CELF2: variants seen among roughly 807,000 people sequenced by gnomAD.
CELF2 encodes the protein CUGBP Elav-like family member 2.
A neutral mutation model predicts 62.6 loss-of-function variants in CELF2; 8 were observed. The observed-to-expected ratio is 0.13, with a 90% confidence interval of 0.07 to 0.23. CELF2 has a LOEUF of 0.23. Among genes scored for constraint, CELF2 ranks in the 10% least tolerant of loss-of-function variants. CELF2 has a pLI of 1.00. For missense variants in CELF2, 333 were observed against 671.0 expected, an observed-to-expected ratio of 0.50 and a Z score of 5.56; for synonymous variants, 258 against 250.0, an observed-to-expected ratio of 1.03 and a Z score of -0.30.
chr10:11,156,239 G>C lies in CELF2; in HGVS notation c.75-9247G>C, dbSNP rs1002247600. ...ACTAGTAATAGGTGTGTTGACTCTC[G>C]GATTTAATAGGACGGCACTGGACGG... On this transcript the variant is annotated intron_variant, in intron 1 of 12. Transcript: ENST00000633077. The surrounding 1 kb of genome is among the most constrained non-coding windows in gnomAD (Gnocchi z 4.3). 6.6e-6 allele frequency among the ~76,000 whole-genome samples: 1 copy of C among 152,128 alleles called. No individual in the cohort carries two copies. Among genetic ancestry groups the C allele is most frequent in the Non-Finnish European group, 1.5e-5 (1 of 68,016 alleles).
chr10:11,288,178 G>C (rs375219102), intron 8 of CELF2, among the ~76,000 whole-genome samples: 1 of 152,242 alleles, frequency 6.6e-6, no homozygotes, highest in Non-Finnish European at 1.5e-5. Flanking sequence ...TACGGGGTGG[G>C]ATTCAGGCTC....
intron 2 of CELF2, among the ~76,000 whole-genome samples, chr10:11,203,314 A>G (rs2059703424): frequency 6.6e-6 from 1 of 152,182 alleles, no homozygotes; most frequent in South Asian, 2.1e-4. Flanking sequence ...TTCCAGAGAA[A>G]GATTCTTGAT....
At chr10:10,581,596 A>G in the CELF2 span, among the ~76,000 whole-genome samples, 1 of 152,214 alleles carries the variant, frequency 6.6e-6, no homozygotes, top group Non-Finnish European at 1.5e-5. Flanking sequence ...GGCTCCAACA[A>G]GAAGGAGGAT....
At chr10:11,221,311 A>T (rs2064806774) in intron 3 of CELF2, among the ~76,000 whole-genome samples, 1 of 152,204 alleles carries the variant, frequency 6.6e-6, no homozygotes, top group Admixed American at 6.5e-5. Context: ...TAGAAATGTC[A>T]TTATCTACCA....
chr10:10,808,653 CA>C (rs2055502110), intron 1 of CELF2, among the ~76,000 whole-genome samples: 1 of 152,146 alleles, frequency 6.6e-6, no homozygotes. Context: ...GAGGTAAGAT[CA>C]TTGTTTTAAA....
At chr10:10,905,950 A>T (rs1390954648) in intron 1 of CELF2, among the ~76,000 whole-genome samples, 1 of 152,104 alleles carries the variant, frequency 6.6e-6, no homozygotes, top group East Asian at 1.9e-4. Context: ...ATGCACCTGT[A>T]GTCCCAGCTA....
At position 11,050,482 on chromosome 10, in the gene CELF2, T is replaced by C. The variant is rs541789780; in HGVS notation, c.74+32319T>C. Among the ~76,000 whole-genome samples the C allele has an allele frequency of 3.3e-5, 5 of 152,064 alleles. No individual in the cohort carries two copies. In the South Asian group the frequency reaches 1.0e-3, roughly 32 times the overall value. On this transcript the variant is annotated intron_variant, in intron 1 of 12. Coordinates refer to ENST00000633077, the MANE Select transcript of CELF2 (RefSeq NM_001326342.2). ...AACCTGGCCTGGCTTGAACATGGAG[T>C]GTCGGTTCTAATTTGGTTCTGCTGG... is the stretch of plus-strand genomic sequence containing the variant.
At position 10,919,341 on chromosome 10, in the gene CELF2, TC is replaced by T. The variant is rs377269283; in HGVS notation, c.54-622del. On this transcript the variant is annotated intron_variant, in intron 1 of 13. Coordinates refer to the CELF2 transcript ENST00000636488. ...GGGACAAAGTTAGTTTTGAAATTTG[TC>T]TCTGGTCATTTTTATTAATATGCAA... is the stretch of plus-strand genomic sequence containing the variant. Among the ~76,000 whole-genome samples the T allele has an allele frequency of 2.8e-3, 429 of 152,280 alleles. 1 individual carries two copies. The highest frequency in any genetic ancestry group is 9.9e-3 in the African/African-American group (410 of 41,570).
At chr10:10,688,037 A>C in the CELF2 span, among the ~76,000 whole-genome samples, 1 of 152,252 alleles carries the variant, frequency 6.6e-6, no homozygotes, top group Non-Finnish European at 1.5e-5. Flanking sequence ...TGCTACATTT[A>C]TGATATTCGC....
At chr10:10,737,919 G>A in the CELF2 span, among the ~76,000 whole-genome samples, 1 of 152,232 alleles carries the variant, frequency 6.6e-6, no homozygotes, top group South Asian at 2.1e-4. Context: ...GCAATACTGA[G>A]AAGAAAAGGC....
rs934040878 is a variant in CELF2 at position 10,962,115 on chromosome 10, GAGAGA to G, written c.89+42126_89+42130del. ...GGAGGGAGGAGGGAGAGAAAGAAGA[GAGAGA>G]AGAGAAGAGGGAGAGGGAGAGGGTG... is the stretch of plus-strand genomic sequence containing the variant. On this transcript the variant is annotated intron_variant, in intron 2 of 13. Transcript: ENST00000636488. Among the ~76,000 whole-genome samples, 6 of 152,014 alleles carry G rather than the reference GAGAGA, an allele frequency of 3.9e-5. No individual in the cohort carries two copies. In the East Asian group the frequency reaches 7.8e-4, roughly 20 times the overall value.
At chr10:11,111,149 GC>G (rs1446207173) in intron 1 of CELF2, among the ~76,000 whole-genome samples, 1 of 152,182 alleles carries the variant, frequency 6.6e-6, no homozygotes, top group Non-Finnish European at 1.5e-5. Flanking sequence ...TTAATGGAGT[GC>G]TTTTTTACTC....
In CELF2 at chr10:11,211,805, AGAGAGAGAGTGTGTGTGTGTGTGTGTGT is replaced by A. The variant is rs1228397613; in HGVS notation, c.272-5618_272-5591del. ...GTGTATGTGTGTGAGAGAGAGAGAG[AGAGAGAGAGTGTGTGTGTGTGTGTGTGT>A]GTGTGTGTGTGTGTGTGTGTGTAAC... is the stretch of plus-strand genomic sequence containing the variant. On this transcript the variant is annotated intron_variant, in intron 2 of 12. Transcript: ENST00000633077. The surrounding 1 kb of genome is among the most constrained non-coding windows in gnomAD (Gnocchi z 4.8). Among the ~76,000 whole-genome samples the A allele has an allele frequency of 4.2e-5, 5 of 119,856 alleles. No homozygotes were observed. The highest frequency in any genetic ancestry group is 3.3e-4 in the Admixed American group (4 of 11,972). The allele number at this position is 119,856 out of a possible 152,430, so 78.6% of individuals were successfully genotyped here.
intron 1 of CELF2, among the ~76,000 whole-genome samples, chr10:11,146,657 T>C (rs2132480398): frequency 6.6e-6 from 1 of 152,334 alleles, no homozygotes; most frequent in South Asian, 2.1e-4. Context: ...CTGTCGGTGA[T>C]TTGTTACTAT....
chr10:10,466,642 G>C, the CELF2 span, among the ~76,000 whole-genome samples: 2 of 152,102 alleles, frequency 1.3e-5, no homozygotes, highest in African/African-American at 2.4e-5. Flanking sequence ...TTCCAAAGTG[G>C]CTGTAACATT....
At chr10:10,884,681 A>C (rs2061644000) in intron 1 of CELF2, among the ~76,000 whole-genome samples, 1 of 152,212 alleles carries the variant, frequency 6.6e-6, no homozygotes, top group South Asian at 2.1e-4. Context: ...CATTTCTAGA[A>C]TATGTCTTAT....
chr10:11,111,898 T>C (rs1595507022), intron 1 of CELF2, among the ~76,000 whole-genome samples: 1 of 152,230 alleles, frequency 6.6e-6, no homozygotes, highest in East Asian at 1.9e-4. Context: ...CTTATAATAA[T>C]CAAATGTTTG....
At position 10,947,283 on chromosome 10, in the gene CELF2, G is replaced by T. The variant is rs2047801285; in HGVS notation, c.89+27284G>T. The T allele has an allele frequency of 6.6e-6, 1 of 152,536 alleles. No homozygotes were observed. Among genetic ancestry groups the T allele is most frequent in the Non-Finnish European group, 1.5e-5 (1 of 68,052 alleles). The allele number at this position is 152,536 out of a possible 1,614,324, so 9.4% of individuals were successfully genotyped here. On this transcript the variant is annotated intron_variant, in intron 2 of 13. Transcript: ENST00000636488. The surrounding 1 kb of genome is among the most constrained non-coding windows in gnomAD (Gnocchi z 4.1). Reference sequence around the variant, plus strand: ...TGCACAGTTGGAAGGACATTTCTCTGGCCATCCTGAGCACATTTTTTCCTG... The same window carrying T: ...TGCACAGTTGGAAGGACATTTCTCTTGCCATCCTGAGCACATTTTTTCCTG...
At chr10:10,508,803 G>A in the CELF2 span, among the ~76,000 whole-genome samples, 1 of 151,700 alleles carries the variant, frequency 6.6e-6, no homozygotes, top group Non-Finnish European at 1.5e-5. Context: ...CGCCTTTCAA[G>A]TAGCTGGGAT....
Sources: gnomAD v4.1 joint callset for allele counts (sites outside exome capture counted in the v4.1 genomes callset) on GRCh38, gnomAD v4.1.1 for gene constraint, Gnocchi (gnomAD v3.1) non-coding constraint, MANE v1.5 for transcripts, NCBI Gene and HGNC (gene_info 2026-07-23, HGNC 2026-07-21) for gene names.